The following STAU2 variants were observed in gnomAD, a reference collection of about 807,000 sequenced individuals.
STAU2 encodes staufen double-stranded RNA binding protein 2.
STAU2 carries 20 observed loss-of-function variants against 65.9 expected under a neutral mutation model. The ratio of observed to expected loss-of-function variants is 0.30; its 90% CI spans 0.21 to 0.44. The LOEUF is 0.44. STAU2 is among the 20% of genes least tolerant of loss of function. The pLI is 1.00. For synonymous variants in STAU2, 232 were observed against 233.9 expected (o/e 0.99, Z 0.07); for missense variants, 558 against 683.9 (o/e 0.82, Z 2.05).
At chr8:73,523,196 CAAAAAA>C (rs763732188) in intron 13 of STAU2, among the ~76,000 whole-genome samples, 1 of 78,624 alleles carries the variant, frequency 1.3e-5, no homozygotes, top group Non-Finnish European at 2.4e-5. Flanking sequence ...ACTTTGTCTC[CAAAAAA>C]AAAAAAAAAA....
chr8:73,520,209 A>C (rs781632640), intron 13 of STAU2, among the ~76,000 whole-genome samples: 2 of 152,226 alleles, frequency 1.3e-5, no homozygotes, highest in African/African-American at 4.8e-5. Flanking sequence ...GTCTCCTGAG[A>C]TTTCATCCTA....
At chr8:73,442,509 T>G (rs1487452608) in intron 13 of STAU2, among the ~76,000 whole-genome samples, 1 of 152,194 alleles carries the variant, frequency 6.6e-6, no homozygotes, top group Non-Finnish European at 1.5e-5. Flanking sequence ...TTGAATAATA[T>G]GGTCACAAGT....
At chr8:73,746,102 A>G (rs1586405569) in intron 1 of STAU2, among the ~76,000 whole-genome samples, 1 of 152,142 alleles carries the variant, frequency 6.6e-6, no homozygotes, top group South Asian at 2.1e-4. Context: ...GGAGTTCGTA[A>G]CAGCCACAGC....
intron 3 of STAU2, among the ~76,000 whole-genome samples, chr8:73,718,593 C>T (rs971209715): frequency 2.0e-5 from 3 of 152,168 alleles, no homozygotes; most frequent in Non-Finnish European, 4.4e-5. Flanking sequence ...AGAATGACCA[C>T]AAAAGCACTG....
intron 13 of STAU2, among the ~76,000 whole-genome samples, chr8:73,495,678 T>TATATATATATATATATATATATATAC (rs1387768770): frequency 6.1e-5 from 9 of 147,700 alleles, no homozygotes; most frequent in African/African-American, 2.2e-4. Flanking sequence ...TATATATATA[T>TATATATATATATATATATATATATAC]ATATATATAT....
rs1819652079 is a variant in STAU2 at position 73,466,340 on chromosome 8, C to T, written c.1531-43638G>A. Among the ~76,000 whole-genome samples the T allele has an allele frequency of 2.0e-5, 3 of 151,912 alleles. No individual in the cohort carries two copies. In the South Asian group the frequency reaches 6.2e-4, roughly 32 times the overall value. On this transcript the variant is annotated intron_variant, in intron 13 of 14. Coordinates refer to ENST00000524300, the MANE Select transcript of STAU2 (RefSeq NM_001164380.2). Reference sequence around the variant, plus strand: ...TTCTGTGTCTTTAAAAAAAATAATCCCTGGTGTTTGTAATAAAATTCCTCT... The same window carrying T: ...TTCTGTGTCTTTAAAAAAAATAATCTCTGGTGTTTGTAATAAAATTCCTCT...
intron 13 of STAU2, among the ~76,000 whole-genome samples, chr8:73,505,004 G>A (rs944407397): frequency 6.6e-6 from 1 of 151,946 alleles, no homozygotes; most frequent in Non-Finnish European, 1.5e-5. Flanking sequence ...GCTCATTGTT[G>A]TTCTTTCTAC....
intron 6 of STAU2, among the ~76,000 whole-genome samples, chr8:73,666,820 A>C (rs924207127): frequency 6.6e-6 from 1 of 152,200 alleles, no homozygotes; most frequent in Non-Finnish European, 1.5e-5. Flanking sequence ...GTTGAATCCT[A>C]AACTGCCATT....
At chr8:73,692,957 C>T (rs974686577) in intron 4 of STAU2, among the ~76,000 whole-genome samples, 8 of 150,032 alleles carry the variant, frequency 5.3e-5, no homozygotes, top group South Asian at 2.1e-4. Context: ...CTCAGAAGTT[C>T]GAGACCAGCC....
At chr8:73,461,453 T>C (rs1819345871) in intron 13 of STAU2, among the ~76,000 whole-genome samples, 2 of 152,092 alleles carry the variant, frequency 1.3e-5, no homozygotes, top group South Asian at 4.1e-4. Flanking sequence ...TATGCTTTAT[T>C]GGATAAGCAG....
intron 3 of STAU2, among the ~76,000 whole-genome samples, chr8:73,736,951 G>A (rs375196183): frequency 1.0e-3 from 157 of 152,282 alleles, no homozygotes; most frequent in Middle Eastern, 6.8e-3. Flanking sequence ...TGCAACCTCC[G>A]TCTGCTGGGT....
In STAU2 at chr8:73,515,865, C is replaced by T. The variant is rs139789867; in HGVS notation, c.1530+36147G>A. 3.2e-3 allele frequency among the ~76,000 whole-genome samples: 447 copies of T among 141,042 alleles called. 3 individuals carry two copies. The highest frequency in any genetic ancestry group is 0.011 in the African/African-American group (424 of 38,384). 92.5% of individuals were successfully genotyped at this position (141,042 alleles called of 152,430 possible). ...GGTGGCTCACTGCAACCTCCACCTT[C>T]CAGGTCTTCAGCATATCAGTCTTTT... On this transcript the variant is annotated intron_variant, in intron 13 of 14. Transcript: ENST00000524300.
At chr8:73,734,229 G>GTT (rs1408519518) in intron 3 of STAU2, among the ~76,000 whole-genome samples, 1 of 91,358 alleles carries the variant, frequency 1.1e-5, no homozygotes, top group African/African-American at 3.6e-5. Flanking sequence ...GTTTTTCAGG[G>GTT]TTTGTTTTTT....
At chr8:73,609,313 T>C (rs748770302) in intron 9 of STAU2, among the ~76,000 whole-genome samples, 26 of 152,086 alleles carry the variant, frequency 1.7e-4, no homozygotes, top group Non-Finnish European at 2.9e-4. Flanking sequence ...ACTTTTAGCT[T>C]TTGATAAAAT....
chr8:73,617,618 A>G (rs1211188186), intron 6 of STAU2, among the ~76,000 whole-genome samples, 167 bp from the exon 7 acceptor site: 3 of 152,242 alleles, frequency 2.0e-5, no homozygotes, highest in African/African-American at 7.2e-5. Context: ...ATACATCTAT[A>G]GATAATAGCT....
At chr8:73,626,331 G>A (rs1396711318) in intron 6 of STAU2, among the ~76,000 whole-genome samples, 3 of 152,174 alleles carry the variant, frequency 2.0e-5, no homozygotes, top group Admixed American at 6.5e-5. Context: ...TTTGAGAAAG[G>A]GCAAGTGTTC....
rs747216796 is a variant in STAU2 at position 73,554,460 on chromosome 8, C to T, written c.1223-2141G>A. On this transcript the variant is annotated intron_variant, in intron 12 of 14. Transcript: ENST00000524300. ...CCCAGAAAAGCTAAGGCATTGGATGCGTGGTATACATCTTTCCCCTTCTAG... is the reference window on the plus strand; with the variant it reads ...CCCAGAAAAGCTAAGGCATTGGATGTGTGGTATACATCTTTCCCCTTCTAG... 1.3e-4 allele frequency among the ~76,000 whole-genome samples: 20 copies of T among 152,308 alleles called. 1 individual carries two copies. Among genetic ancestry groups the T allele is most frequent in the African/African-American group, 4.1e-4 (17 of 41,566 alleles).
chr8:73,664,332 A>G (rs1188767799), intron 6 of STAU2, among the ~76,000 whole-genome samples: 1 of 152,154 alleles, frequency 6.6e-6, no homozygotes, highest in Non-Finnish European at 1.5e-5. Context: ...CCTTAAGTAT[A>G]ATGTTGAACA....
intron 9 of STAU2, among the ~76,000 whole-genome samples, chr8:73,607,622 A>G (rs945296226): frequency 6.6e-6 from 1 of 151,744 alleles, no homozygotes; most frequent in Non-Finnish European, 1.5e-5. Flanking sequence ...CTGTAATCCC[A>G]GCTACTAGGG....
Sources: gnomAD v4.1 joint callset for allele counts (sites outside exome capture counted in the v4.1 genomes callset) on GRCh38, gnomAD v4.1.1 for gene constraint, MANE v1.5 for transcripts, NCBI Gene and HGNC (gene_info 2026-07-23, HGNC 2026-07-21) for gene names.